Variants in FBXO11 observed in about 807,000 individuals in gnomAD.
The protein encoded by FBXO11 is F-box only protein 11.
A neutral mutation model predicts 117.0 loss-of-function variants in FBXO11; 13 were observed. The observed-to-expected ratio is 0.11, with a 90% CI of 0.07 to 0.18. The LOEUF (loss-of-function observed/expected upper bound fraction) is 0.18. Among genes scored for constraint, FBXO11 ranks in the 10% least tolerant of loss-of-function variants. The pLI is 1.00. For synonymous variants in FBXO11, 490 were observed against 380.5 expected, an observed-to-expected ratio of 1.29 and a Z score of -3.35; for missense variants, 767 against 1,164.4, an observed-to-expected ratio of 0.66 and a Z score of 4.97.
chr2:47,813,103 T>C (rs1161932539), intron 18 of FBXO11, 131 bp downstream of exon 18: 1 of 974,654 alleles, frequency 1.0e-6, no homozygotes. Context: ...CCTAAACCAG[T>C]TCAACTTGAT....
chr2:47,807,821 T>G lies in FBXO11; in HGVS notation c.*297A>C, dbSNP rs1670329041. On this transcript the variant is annotated 3_prime_UTR_variant, in exon 23 of 23. Transcript: ENST00000403359. ...ATTGGACTGCATTCAATGCTAGTTG[T>G]AAAAACACCAGCTTTTCAGAAGTTG... 2 of 296,978 alleles carry G rather than the reference T, an allele frequency of 6.7e-6. No homozygotes were observed. Among genetic ancestry groups the G allele is most frequent in the South Asian group, 1.6e-4 (2 of 12,508 alleles). 18.4% of individuals were successfully genotyped at this position (296,978 alleles called of 1,614,324 possible). A position where few individuals can be genotyped will look rare whatever the true frequency, so the allele number is the denominator to read the frequency against.
Position 47,807,101 on chromosome 2 carries a change from C to T in FBXO11, c.*1017G>A, listed in dbSNP as rs1008087350. On this transcript the variant is annotated 3_prime_UTR_variant, in exon 23 of 23. Transcript: ENST00000403359. ...TCAGGCTGTTTTATACCCACTGTCA[C>T]CAATACACATAAATGGGGGAGGAAA... The T allele has an allele frequency of 2.4e-5, 12 of 499,152 alleles. No individual in the cohort carries two copies. Among genetic ancestry groups the T allele is most frequent in the African/African-American group, 3.9e-5 (2 of 51,746 alleles). The allele number at this position is 499,152 out of a possible 1,614,324, so 30.9% of individuals were successfully genotyped here.
At chr2:47,903,810 G>A (rs75191664) in intron 1 of FBXO11, among the ~76,000 whole-genome samples, 3 of 152,148 alleles carry the variant, frequency 2.0e-5, no homozygotes, top group African/African-American at 7.2e-5. Flanking sequence ...GCATACAGTG[G>A]CAATTCTGGA....
At position 47,835,875 on chromosome 2, in the gene FBXO11, C is replaced by T. The variant is rs1672523741; in HGVS notation, c.714G>A (p.Gln238=). 6.3e-7 allele frequency: 1 copy of T among 1,595,682 alleles called. No homozygotes were observed. Among genetic ancestry groups the T allele is most frequent in the East Asian group, 2.2e-5 (1 of 44,694 alleles). The part of the protein sequence containing the change: ...HPNPWKESFQ[Q]LYKGAHVKPG... ...ATATTCTATTTATATTTCATACCAA[C>T]TGCTGGAAACTCTCTTTCCAGGGAT... is the stretch of plus-strand genomic sequence containing the variant. The change falls in exon 5 of 23, where the codon CAG becomes CAA. Residue 238 remains glutamine, a synonymous_variant. Transcript: ENST00000403359.
chr2:47,837,543 C>T (rs1672677812), intron 4 of FBXO11, among the ~76,000 whole-genome samples: 1 of 151,676 alleles, frequency 6.6e-6, no homozygotes, highest in Admixed American at 6.6e-5. Flanking sequence ...ACAACAAAAA[C>T]ATATATATAT....
At chr2:47,822,443 C>A in intron 12 of FBXO11, 140 bp from the exon 13 acceptor site, 1 of 575,520 alleles carries the variant, frequency 1.7e-6, no homozygotes. Flanking sequence ...ATTTCTAAGG[C>A]CTAAGACTTT....
intron 1 of FBXO11, among the ~76,000 whole-genome samples, chr2:47,896,972 T>C (rs1572923800): frequency 6.6e-6 from 1 of 152,226 alleles, no homozygotes; most frequent in East Asian, 1.9e-4. Flanking sequence ...AGACTCCTAC[T>C]TTTCATTTGT....
At position 47,823,702 on chromosome 2, in the gene FBXO11, G is replaced by A. The variant is rs190846397; in HGVS notation, c.1399-342C>T. Among the ~76,000 whole-genome samples the A allele has an allele frequency of 3.0e-3, 453 of 152,004 alleles. 6 individuals are homozygous for A. Among genetic ancestry groups the A allele is most frequent in the Admixed American group, 0.024 (364 of 15,256 alleles). On this transcript the variant is annotated intron_variant, in intron 11 of 22. Transcript: ENST00000403359. ...CGGGAGTCAGAGGTTGCAGTGAGCC[G>A]AGATTGCGCCACTGCACTCCAGCCT...
At chr2:47,886,795 GA>G (rs1207804327) in intron 1 of FBXO11, among the ~76,000 whole-genome samples, 2 of 151,392 alleles carry the variant, frequency 1.3e-5, no homozygotes, top group Non-Finnish European at 2.9e-5. Flanking sequence ...TGTTTTTAAT[GA>G]AAAAAAGTGT....
intron 1 of FBXO11, among the ~76,000 whole-genome samples, chr2:47,887,321 C>A (rs1277702516): frequency 1.3e-5 from 2 of 151,000 alleles, no homozygotes; most frequent in South Asian, 2.1e-4. Context: ...GGAGACAAGA[C>A]CCTATCTCGA....
At chr2:47,883,952 G>A (rs1676624924) in intron 1 of FBXO11, 1 of 154,188 alleles carries the variant, frequency 6.5e-6, no homozygotes, top group East Asian at 1.9e-4. Context: ...CTGGGCGCAG[G>A]AGCTCACGCC....
intron 11 of FBXO11, among the ~76,000 whole-genome samples, chr2:47,827,749 C>T (rs971809015): frequency 2.0e-5 from 3 of 150,246 alleles, no homozygotes; most frequent in African/African-American, 4.9e-5. Flanking sequence ...TAGGCTGGAG[C>T]GCAGTGGTAT....
intron 1 of FBXO11, among the ~76,000 whole-genome samples, chr2:47,850,006 C>T (rs1673734147): frequency 6.6e-6 from 1 of 152,130 alleles, no homozygotes; most frequent in South Asian, 2.1e-4. Flanking sequence ...AATGCAAAAA[C>T]AACTGGAAAT....
At chr2:47,835,724 C>G in intron 5 of FBXO11, 148 bp downstream of exon 5, 1 of 456,358 alleles carries the variant, frequency 2.2e-6, no homozygotes, top group Admixed American at 4.2e-5. Flanking sequence ...TCTCGAACTC[C>G]TGACCTCAGG....
rs199681583 is a variant in FBXO11, at chr2:47,813,887, T to C, written c.2007-20A>G. On this transcript the variant is annotated intron_variant, in intron 16 of 22. Coordinates refer to ENST00000403359, the MANE Select transcript of FBXO11 (RefSeq NM_001190274.2). ...CCAGTCCTGTAAACAGAATAGACAA[T>C]AATACCATTTCAATAGCTTCTACTC... 4 of 1,572,036 alleles carry C rather than the reference T, an allele frequency of 2.5e-6. No individual in the cohort carries two copies. The highest frequency in any genetic ancestry group is 3.3e-4 in the Middle Eastern group (2 of 5,994).
intron 1 of FBXO11, among the ~76,000 whole-genome samples, chr2:47,853,041 G>GTATTCAGT (rs1673995526): frequency 6.6e-6 from 1 of 152,076 alleles, no homozygotes; most frequent in African/African-American, 2.4e-5. Flanking sequence ...CATGGAACAG[G>GTATTCAGT]ACATAAACCT....
At chr2:47,831,110 T>C (rs1672150612) in intron 11 of FBXO11, among the ~76,000 whole-genome samples, 1 of 151,270 alleles carries the variant, frequency 6.6e-6, no homozygotes, top group Admixed American at 6.6e-5. Flanking sequence ...TGGTCTAGTT[T>C]AGTTTAAAAA....
chr2:47,878,228 G>A (rs1676155759), intron 1 of FBXO11, among the ~76,000 whole-genome samples: 1 of 152,164 alleles, frequency 6.6e-6, no homozygotes, highest in African/African-American at 2.4e-5. Flanking sequence ...GCTCCAATCT[G>A]TCTACCAATA....
intron 1 of FBXO11, among the ~76,000 whole-genome samples, chr2:47,860,752 G>C (rs1468271757): frequency 6.6e-6 from 1 of 150,762 alleles, no homozygotes; most frequent in Admixed American, 6.6e-5. Flanking sequence ...TTCCCTGCAG[G>C]AGAGAGAGAG....
Sources: gnomAD v4.1 joint callset for allele counts (sites outside exome capture counted in the v4.1 genomes callset) on GRCh38, gnomAD v4.1.1 for gene constraint, MANE v1.5 for transcripts, NCBI Gene and HGNC (gene_info 2026-07-23, HGNC 2026-07-21) for gene names.